Variants in OLFM1 observed in about 807,000 individuals in gnomAD.
OLFM1 encodes the protein olfactomedin 1, also known as noelin.
In OLFM1, 9 loss-of-function variants were observed where a neutral mutation model predicts 49.7. The ratio of observed to expected loss-of-function variants is 0.18; its 90% confidence interval spans 0.11 to 0.32. OLFM1 has a LOEUF of 0.32. Among genes scored for constraint, OLFM1 ranks in the 10% least tolerant of loss-of-function variants. OLFM1 has a pLI of 1.00. For synonymous variants in OLFM1, 240 were observed against 271.8 expected (o/e 0.88, Z 1.15); for missense variants, 369 against 661.8 (o/e 0.56, Z 4.85).
At chr9:135,081,440 C>G (rs1830531008) in intron 1 of OLFM1, among the ~76,000 whole-genome samples, 1 of 152,110 alleles carries the variant, frequency 6.6e-6, no homozygotes, top group Non-Finnish European at 1.5e-5. Context: ...GGCTGCTGAC[C>G]TTGAAAACGG....
At chr9:135,076,783 T>TCCTTCCTC (rs1830471876) in intron 1 of OLFM1, 2 of 1,511,546 alleles carry the variant, frequency 1.3e-6, no homozygotes, top group Middle Eastern at 3.6e-4. Context: ...GACCCTTCTT[T>TCCTTCCTC]CCTTCCTCCC....
intron 2 of OLFM1, among the ~76,000 whole-genome samples, chr9:135,093,501 C>T (rs1358433675): frequency 1.3e-5 from 2 of 152,208 alleles, no homozygotes; most frequent in Non-Finnish European, 2.9e-5. Context: ...ACACAGCAGA[C>T]TCAGTGCAGT....
intron 4 of OLFM1, chr9:135,106,133 A>G (rs1291814129): frequency 6.6e-6 from 1 of 152,542 alleles, no homozygotes; most frequent in African/African-American, 2.4e-5. Context: ...GGCTCCTCCC[A>G]CTGGCAGAAG....
intron 5 of OLFM1, among the ~76,000 whole-genome samples, 162 bp from the exon 6 acceptor site, chr9:135,119,321 ATCTTTGGAAGTGCTCACGGGG>A: frequency 1.0e-5 from 1 of 98,890 alleles, no homozygotes. Flanking sequence ...TACTCACTGG[ATCTTTGGAAGTGCTCACGGGG>A]TCTTTGGAGT....
rs903984255 is a variant in OLFM1 at position 135,120,559 on chromosome 9, A to G, written c.*381A>G. On this transcript the variant is annotated 3_prime_UTR_variant, in exon 6 of 6. Coordinates refer to ENST00000371793, the MANE Select transcript of OLFM1 (RefSeq NM_001282611.2). ...CTTAGATCGTGGTCAGCTCCGAGGA[A>G]TGTGGCGTCCAGGCTCTTTGAGAGC... is the stretch of plus-strand genomic sequence containing the variant. 4.4e-6 allele frequency: 1 copy of G among 227,416 alleles called. No individual in the cohort carries two copies. The highest frequency in any genetic ancestry group is 8.6e-6 in the Non-Finnish European group (1 of 116,198). The allele number at this position is 227,416 out of a possible 1,614,324, so 14.1% of individuals were successfully genotyped here.
At chr9:135,087,505 T>G, upstream of OLFM1, 1 of 1,417,954 alleles carries the variant, frequency 7.1e-7, no homozygotes, top group Non-Finnish European at 9.3e-7. Flanking sequence ...TCCCAACTCC[T>G]GGGCGGACTG....
At chr9:135,102,583 C>T (rs116920251) in intron 4 of OLFM1, among the ~76,000 whole-genome samples, 179 of 152,280 alleles carry the variant, frequency 1.2e-3, no homozygotes, top group Non-Finnish European at 2.0e-3. Context: ...GAGGGTCTGC[C>T]GTGACCCTTT....
At chr9:135,087,551 G>C, upstream of OLFM1, 6 of 1,200,606 alleles carry the variant, frequency 5.0e-6, no homozygotes, top group Non-Finnish European at 6.6e-6. Flanking sequence ...GCCAGGGGGC[G>C]GCGGGGAGCC....
At chr9:135,118,024 C>A (rs893125200) in intron 5 of OLFM1, among the ~76,000 whole-genome samples, 2 of 152,232 alleles carry the variant, frequency 1.3e-5, no homozygotes, top group Non-Finnish European at 2.9e-5. Flanking sequence ...GTTGTGACTA[C>A]TCTTTCCTGG....
At chr9:135,094,379 C>T (rs1317261728) in intron 2 of OLFM1, among the ~76,000 whole-genome samples, 1 of 152,222 alleles carries the variant, frequency 6.6e-6, no homozygotes, top group Non-Finnish European at 1.5e-5. Flanking sequence ...CTCAGTCCAT[C>T]AGAGAAGCCT....
At chr9:135,076,897 C>G (rs953408462) in intron 1 of OLFM1, 8 of 1,550,512 alleles carry the variant, frequency 5.2e-6, no homozygotes, top group Admixed American at 2.0e-5. Flanking sequence ...AACGAGCTTC[C>G]CTTGTTTTGC....
At chr9:135,107,463 C>G (rs190101594) in intron 5 of OLFM1, among the ~76,000 whole-genome samples, 1 of 152,156 alleles carries the variant, frequency 6.6e-6, no homozygotes, top group African/African-American at 2.4e-5. Flanking sequence ...TATGTTCGAG[C>G]CCCTTTGAAA....
chr9:135,111,101 A>G (rs547597667), intron 5 of OLFM1, among the ~76,000 whole-genome samples: 3 of 152,328 alleles, frequency 2.0e-5, no homozygotes, highest in Admixed American at 6.5e-5. Context: ...ACTGCACCAC[A>G]TGTGGCTGAA....
At chr9:135,104,424 C>T (rs1029472487) in intron 4 of OLFM1, among the ~76,000 whole-genome samples, 2 of 152,302 alleles carry the variant, frequency 1.3e-5, no homozygotes, top group Admixed American at 6.5e-5. Flanking sequence ...GTCATGCGAC[C>T]GGGATGAGTC....
chr9:135,091,691 A>ACACACAGTCTCACAAATAGT (rs1554752845), intron 2 of OLFM1, among the ~76,000 whole-genome samples: 1 of 87,342 alleles, frequency 1.1e-5, no homozygotes, highest in Non-Finnish European at 2.1e-5. Context: ...ATAGTCTCAC[A>ACACACAGTCTCACAAATAGT]CACACACAGT....
chr9:135,110,620 T>C (rs924030846), intron 5 of OLFM1, among the ~76,000 whole-genome samples: 3 of 152,072 alleles, frequency 2.0e-5, no homozygotes, highest in African/African-American at 2.4e-5. Context: ...CCGCCAGTGG[T>C]GCAATAAACA....
chr9:135,100,746 G>A (rs563891149), intron 4 of OLFM1, among the ~76,000 whole-genome samples: 2 of 152,302 alleles, frequency 1.3e-5, no homozygotes, highest in Non-Finnish European at 2.9e-5. Flanking sequence ...GTAAAATGGT[G>A]CAGGGAGTCC....
chr9:135,083,643 C>T (rs1830559694), upstream of OLFM1, among the ~76,000 whole-genome samples: 1 of 152,218 alleles, frequency 6.6e-6, no homozygotes, highest in Non-Finnish European at 1.5e-5. Context: ...GTCGGCAGCT[C>T]AGGCCAGCCG....
At chr9:135,084,692 G>A (rs73560283), upstream of OLFM1, among the ~76,000 whole-genome samples, 10 of 151,958 alleles carry the variant, frequency 6.6e-5, no homozygotes, top group African/African-American at 1.7e-4. The surrounding 1 kb of genome is among the most constrained non-coding windows in gnomAD (Gnocchi z 4.6). Context: ...GAGAGTATGC[G>A]TATTTTTAAA....
Sources: allele counts gnomAD v4.1 joint callset (sites outside exome capture counted in the v4.1 genomes callset), GRCh38; gene constraint gnomAD v4.1.1; non-coding constraint Gnocchi (gnomAD v3.1); transcripts MANE v1.5; gene names NCBI Gene and HGNC (gene_info 2026-07-23, HGNC 2026-07-21).